Variants in NEGR1 observed in about 807,000 individuals in gnomAD.
The protein encoded by NEGR1 is IgLON family member 4.
Under a neutral mutation model 40.9 loss-of-function variants are expected in NEGR1, and 10 were observed. The observed-to-expected ratio is 0.24, with a 90% CI of 0.15 to 0.42. The LOEUF is 0.42. NEGR1 is among the 10% of genes least tolerant of loss of function. NEGR1 has a pLI of 1.00. For synonymous variants in NEGR1, 185 were observed against 166.8 expected (o/e 1.11, Z -0.84); for missense variants, 352 against 438.9 (o/e 0.80, Z 1.77).
chr1:72,180,290 T>C (rs960765794), intron 1 of NEGR1, among the ~76,000 whole-genome samples: 23 of 151,968 alleles, frequency 1.5e-4, no homozygotes, highest in African/African-American at 4.8e-4. Context: ...AACTGTACTC[T>C]TATATCATGC....
chr1:71,738,523 G>A (rs990151827), intron 3 of NEGR1, among the ~76,000 whole-genome samples: 7 of 151,874 alleles, frequency 4.6e-5, no homozygotes, highest in African/African-American at 1.7e-4. Context: ...GGGGATCAGA[G>A]TGACATGGGA....
intron 1 of NEGR1, among the ~76,000 whole-genome samples, chr1:72,120,417 C>T (rs1010734409): frequency 1.9e-4 from 29 of 151,994 alleles, no homozygotes; most frequent in African/African-American, 6.7e-4. Flanking sequence ...TGTAAATAAA[C>T]TCAGCAATTA....
At chr1:72,040,945 C>T (rs906925437) in intron 1 of NEGR1, among the ~76,000 whole-genome samples, 2 of 151,896 alleles carry the variant, frequency 1.3e-5, no homozygotes, top group African/African-American at 2.4e-5. Flanking sequence ...CACTCTATCC[C>T]TCTCCAGACA....
intron 1 of NEGR1, among the ~76,000 whole-genome samples, chr1:72,146,678 T>A (rs1313821612): frequency 1.3e-5 from 2 of 152,196 alleles, no homozygotes; most frequent in African/African-American, 2.4e-5. Context: ...GATATCTCTT[T>A]ACATATATGC....
chr1:71,839,633 G>A (rs993249310), intron 2 of NEGR1, among the ~76,000 whole-genome samples: 3 of 152,126 alleles, frequency 2.0e-5, no homozygotes, highest in African/African-American at 7.2e-5. Flanking sequence ...GGCTTAGATA[G>A]AGGAATATAA....
chr1:71,565,153 A>G (rs1038356106), intron 6 of NEGR1, among the ~76,000 whole-genome samples: 24 of 152,152 alleles, frequency 1.6e-4, no homozygotes, highest in African/African-American at 5.6e-4. Flanking sequence ...GGTTCCTCGT[A>G]GGAAGCCATG....
At chr1:71,943,750 T>C (rs1227251613) in intron 1 of NEGR1, among the ~76,000 whole-genome samples, 1 of 152,160 alleles carries the variant, frequency 6.6e-6, no homozygotes, top group African/African-American at 2.4e-5. Flanking sequence ...TATCCTCTTA[T>C]CCCGATAATA....
chr1:71,745,256 G>T (rs750797097), intron 3 of NEGR1, among the ~76,000 whole-genome samples: 1 of 152,132 alleles, frequency 6.6e-6, no homozygotes, highest in Non-Finnish European at 1.5e-5. Flanking sequence ...ACCAGGAAAA[G>T]CTGTGAGATT....
chr1:72,084,525 T>C (rs1648132893), intron 1 of NEGR1, among the ~76,000 whole-genome samples: 1 of 152,204 alleles, frequency 6.6e-6, no homozygotes, highest in Non-Finnish European at 1.5e-5. Context: ...TTTTTGTTTT[T>C]TGCTATGTAT....
At chr1:71,772,573 A>C (rs1303883107) in intron 3 of NEGR1, among the ~76,000 whole-genome samples, 3 of 152,232 alleles carry the variant, frequency 2.0e-5, no homozygotes, top group Non-Finnish European at 4.4e-5. Flanking sequence ...TCTATAAAAA[A>C]ACTATTGTAT....
At chr1:71,599,595 T>C (rs74421607) in intron 5 of NEGR1, among the ~76,000 whole-genome samples, 1,741 of 152,276 alleles carry the variant, frequency 0.011, 29 homozygotes, top group African/African-American at 0.04. Context: ...TAGGAACAGG[T>C]TGAAGAATAT....
At chr1:71,812,472 C>A (rs555408766) in intron 2 of NEGR1, among the ~76,000 whole-genome samples, 15 of 152,260 alleles carry the variant, frequency 9.9e-5, no homozygotes, top group Admixed American at 1.3e-4. Context: ...GAAATTGCCA[C>A]ACTGTCTTCC....
At chr1:71,693,152 G>T (rs1653351268) in intron 4 of NEGR1, among the ~76,000 whole-genome samples, 1 of 151,572 alleles carries the variant, frequency 6.6e-6, no homozygotes, top group African/African-American at 2.4e-5. Flanking sequence ...AATTAGTGCT[G>T]CTTCTCTCTG....
At chr1:71,538,566 A>T (rs1199210623) in intron 6 of NEGR1, among the ~76,000 whole-genome samples, 1 of 151,688 alleles carries the variant, frequency 6.6e-6, no homozygotes, top group African/African-American at 2.4e-5. Context: ...TGGAATGACC[A>T]AGGTTAGTGC....
rs183891427 is a variant in NEGR1, at chr1:72,138,609, A to T, written c.176+143710T>A. Among the ~76,000 whole-genome samples the T allele has an allele frequency of 2.2e-3, 340 of 152,160 alleles. 2 individuals are homozygous for T. Among genetic ancestry groups the T allele is most frequent in the Non-Finnish European group, 2.1e-3 (143 of 67,908 alleles). On this transcript the variant is annotated intron_variant, in intron 1 of 6. Coordinates refer to ENST00000357731, the MANE Select transcript of NEGR1 (RefSeq NM_173808.3). ...TAGAAAAAAGGTTATTTCAGAGCAA[A>T]GAAAAACTGAGATAAAAAAGGTGAT...
chr1:72,251,305 T>C (rs1347847460), intron 1 of NEGR1, among the ~76,000 whole-genome samples: 1 of 152,244 alleles, frequency 6.6e-6, no homozygotes, highest in Non-Finnish European at 1.5e-5. Flanking sequence ...AAACAAAATA[T>C]GCTTAATGTA....
intron 2 of NEGR1, among the ~76,000 whole-genome samples, chr1:71,913,665 C>A (rs1172397319): frequency 1.3e-5 from 2 of 151,964 alleles, no homozygotes; most frequent in Non-Finnish European, 2.9e-5. Context: ...TTCATTTTAC[C>A]CTGATTTAAT....
chr1:72,227,179 C>G (rs1654219132), intron 1 of NEGR1, among the ~76,000 whole-genome samples: 1 of 151,946 alleles, frequency 6.6e-6, no homozygotes, highest in South Asian at 2.1e-4. Flanking sequence ...TTCCTCATCT[C>G]TAAAATGGTA....
chr1:71,943,891 C>T (rs747417719), intron 1 of NEGR1, among the ~76,000 whole-genome samples: 47 of 152,018 alleles, frequency 3.1e-4, no homozygotes, highest in Non-Finnish European at 6.5e-4. Flanking sequence ...TCTAAGATTA[C>T]TGAATGCATG....
Sources: gnomAD v4.1 joint callset for allele counts (sites outside exome capture counted in the v4.1 genomes callset) on GRCh38, gnomAD v4.1.1 for gene constraint, MANE v1.5 for transcripts, NCBI Gene and HGNC (gene_info 2026-07-23, HGNC 2026-07-21) for gene names.